The following PIWIL1 variants were observed in gnomAD, a reference collection of about 807,000 sequenced individuals.
PIWIL1 encodes the protein piwi like RNA-mediated gene silencing 1.
In PIWIL1, 73 loss-of-function variants were observed where a neutral mutation model predicts 114.4. The observed-to-expected ratio is 0.64, with a 90% CI of 0.53 to 0.78. The LOEUF is 0.78. Among genes scored for constraint, PIWIL1 ranks in the 30% least tolerant of loss-of-function variants. PIWIL1 has a pLI of 0.00. For synonymous variants in PIWIL1, 375 were observed against 369.0 expected (o/e 1.02, Z -0.19); for missense variants, 723 against 1,063.1 (o/e 0.68, Z 4.45).
chr12:130,414,041 G>A, the PIWIL1 span: 26 of 1,412,274 alleles, frequency 1.8e-5, no homozygotes, highest in Non-Finnish European at 2.3e-5. Flanking sequence ...TCTCTAAGTC[G>A]ATACCCTGTT....
intron 9 of PIWIL1, chr12:130,351,554 G>A (rs1205611031): frequency 2.0e-5 from 3 of 152,144 alleles, no homozygotes; most frequent in African/African-American, 4.8e-5. Context: ...GCCCCTACTC[G>A]GTGCTCTTGG....
the PIWIL1 span, among the ~76,000 whole-genome samples, chr12:130,405,431 G>C: frequency 1.3e-5 from 2 of 152,296 alleles, no homozygotes; most frequent in African/African-American, 2.4e-5. Flanking sequence ...GGGGGAGCAG[G>C]TGGAAACACA....
At chr12:130,407,945 A>G in the PIWIL1 span, 1 of 863,568 alleles carries the variant, frequency 1.2e-6, no homozygotes, top group Non-Finnish European at 1.9e-6. Context: ...CACTGCTAAC[A>G]GGGCCACGTG....
Position 130,359,134 on chromosome 12 carries a change from G to A in PIWIL1, c.1665+1581G>A, listed in dbSNP as rs56237436. ...GTTGTTTTTGGTCTGTATCTAGAGT[G>A]TAGCCTTTATAAACATGATAGCAGT... On this transcript the variant is annotated intron_variant, in intron 14 of 20. Transcript: ENST00000245255. Among the ~76,000 whole-genome samples the A allele has an allele frequency of 9.9e-3, 1,500 of 152,272 alleles. 13 individuals are homozygous for A. The highest frequency in any genetic ancestry group is 0.052 in the East Asian group (267 of 5,178).
chr12:130,400,640 G>A, the PIWIL1 span, among the ~76,000 whole-genome samples: 1 of 152,158 alleles, frequency 6.6e-6, no homozygotes, highest in African/African-American at 2.4e-5. Context: ...GACATAAAGA[G>A]CCTACTACAT....
At chr12:130,365,198 A>G (rs2073621686) in intron 18 of PIWIL1, among the ~76,000 whole-genome samples, 1 of 152,128 alleles carries the variant, frequency 6.6e-6, no homozygotes, top group Non-Finnish European at 1.5e-5. Context: ...TTGGGCTGAC[A>G]CTTAGTGCAC....
At chr12:130,357,387 C>T (rs561333453) in intron 13 of PIWIL1, 94 bp from the exon 14 acceptor site, 82 of 903,006 alleles carry the variant, frequency 9.1e-5, no homozygotes, top group East Asian at 4.7e-4. Context: ...ATGTTTTATA[C>T]GGAAACGTTT....
At chr12:130,365,092 A>T (rs961848556) in intron 18 of PIWIL1, among the ~76,000 whole-genome samples, 10 of 152,184 alleles carry the variant, frequency 6.6e-5, no homozygotes, top group African/African-American at 1.9e-4. Context: ...CTGAGTGTGC[A>T]GAGTGGACCC....
the PIWIL1 span, among the ~76,000 whole-genome samples, chr12:130,421,178 C>T: frequency 0.98 from 149,941 of 152,308 alleles, 73,847 homozygotes; most frequent in Middle Eastern, 1. Context: ...CCAGAGGGAA[C>T]GACACACGAA....
At position 130,342,599 on chromosome 12, in the gene PIWIL1, G is replaced by A. The variant is rs1302834442; in HGVS notation, c.8G>A (p.Gly3Glu). Reference protein sequence around the residue: MTGRARARARGRA... With the variant: MTERARARARGRA... Reference sequence around the variant, plus strand: ...CTCCAGAAATAGAAAACAATGACTGGGAGAGCCCGAGCCAGAGCCAGAGGA... The same window carrying A: ...CTCCAGAAATAGAAAACAATGACTGAGAGAGCCCGAGCCAGAGCCAGAGGA... Residue 3 changes from glycine (G) to glutamate (E), a missense_variant, in exon 2 of 21, where the codon GGG becomes GAG. Physicochemically the swap from Gly to Glu is moderately conservative, Grantham distance 98. Around this residue, in one of 8 missense-constraint regions of PIWIL1, gnomAD observed 91 missense variants for 76.2 expected, o/e 1.19. Coordinates refer to ENST00000245255, the MANE Select transcript of PIWIL1 (RefSeq NM_004764.5). 6.2e-7 allele frequency: 1 copy of A among 1,612,888 alleles called. No individual in the cohort carries two copies. The highest frequency in any genetic ancestry group is 1.1e-5 in the South Asian group (1 of 90,986).
chr12:130,367,041 C>T (rs2073679353), intron 18 of PIWIL1, 92 bp from the exon 19 acceptor site: 10 of 1,444,496 alleles, frequency 6.9e-6, no homozygotes, highest in Non-Finnish European at 9.6e-6. Flanking sequence ...GGGATGTGTT[C>T]CTTTTTAAAT....
At chr12:130,354,467 C>G in intron 9 of PIWIL1, 70 bp from the exon 10 acceptor site, 1 of 1,585,248 alleles carries the variant, frequency 6.3e-7, no homozygotes, top group Non-Finnish European at 8.6e-7. Flanking sequence ...AAAAATGAAA[C>G]CCTTTTTGCC....
chr12:130,424,436 A>G, the PIWIL1 span: 1 of 1,232,622 alleles, frequency 8.1e-7, no homozygotes, highest in Non-Finnish European at 1.0e-6. The surrounding 1 kb of genome is among the most constrained non-coding windows in gnomAD (Gnocchi z 9.8). Context: ...GACAGTGACC[A>G]GGGCCTGGGC....
intron 14 of PIWIL1, among the ~76,000 whole-genome samples, chr12:130,359,583 C>T (rs1297190652): frequency 6.6e-6 from 1 of 152,120 alleles, no homozygotes; most frequent in Non-Finnish European, 1.5e-5. Flanking sequence ...TATTGGGGCC[C>T]TGCCTGATAA....
chr12:130,411,124 T>C, the PIWIL1 span, among the ~76,000 whole-genome samples: 4 of 152,258 alleles, frequency 2.6e-5, no homozygotes. Flanking sequence ...GGCACTACTT[T>C]TAAAAATTTT....
the PIWIL1 span, among the ~76,000 whole-genome samples, chr12:130,386,439 TA>T: frequency 2.2e-5 from 1 of 46,434 alleles, no homozygotes; most frequent in African/African-American, 8.5e-5. Context: ...CCATGCACAC[TA>T]CCCCTTCCTG....
chr12:130,375,061 G>T (rs2073856323), downstream of PIWIL1, among the ~76,000 whole-genome samples: 1 of 152,058 alleles, frequency 6.6e-6, no homozygotes, highest in Admixed American at 6.5e-5. Context: ...ACTCGGCTTT[G>T]AATCTACTTT....
At chr12:130,352,561 T>G (rs146706928) in intron 9 of PIWIL1, among the ~76,000 whole-genome samples, 294 of 152,162 alleles carry the variant, frequency 1.9e-3, no homozygotes, top group African/African-American at 6.5e-3. Flanking sequence ...TGCCTGTAAT[T>G]CCAGCTACTC....
At chr12:130,353,350 G>C (rs2073270574) in intron 9 of PIWIL1, among the ~76,000 whole-genome samples, 1 of 149,970 alleles carries the variant, frequency 6.7e-6, no homozygotes, top group Non-Finnish European at 1.5e-5. Flanking sequence ...GTGGAGGTGT[G>C]TGGTTTGTTC....
Sources: allele counts gnomAD v4.1 joint callset (sites outside exome capture counted in the v4.1 genomes callset), GRCh38; gene constraint gnomAD v4.1.1; regional missense constraint gnomAD v4.1.1; non-coding constraint Gnocchi (gnomAD v3.1); transcripts MANE v1.5; gene names NCBI Gene and HGNC (gene_info 2026-07-23, HGNC 2026-07-21).